KIF26B: variants seen among roughly 807,000 people sequenced by gnomAD.
KIF26B encodes the protein kinesin-like protein KIF26B.
KIF26B carries 63 observed loss-of-function variants against 151.2 expected under a neutral mutation model. The observed-to-expected ratio is 0.42, with a 90% CI of 0.34 to 0.51. KIF26B has a LOEUF of 0.51. Among genes scored for constraint, KIF26B ranks in the 20% least tolerant of loss-of-function variants. KIF26B has a pLI of 0.07. For missense variants in KIF26B, 2,813 were observed against 2,913.6 expected, an observed-to-expected ratio of 0.97 and a Z score of 0.79; for synonymous variants, 1,357 against 1,262.1, an observed-to-expected ratio of 1.08 and a Z score of -1.59.
intron 10 of KIF26B, among the ~76,000 whole-genome samples, chr1:245,680,865 G>A (rs1199039203): frequency 1.3e-5 from 2 of 152,192 alleles, no homozygotes; most frequent in Non-Finnish European, 2.9e-5. Context: ...CTGCCTTCAC[G>A]TTTGGCTCTC....
chr1:245,634,926 G>A (rs987512939), intron 9 of KIF26B, among the ~76,000 whole-genome samples: 1 of 151,828 alleles, frequency 6.6e-6, no homozygotes, highest in Non-Finnish European at 1.5e-5. Flanking sequence ...ATGTTGCCCT[G>A]GCTGGTCTTG....
intron 3 of KIF26B, among the ~76,000 whole-genome samples, chr1:245,376,306 T>G (rs1157690642): frequency 6.6e-6 from 1 of 152,198 alleles, no homozygotes; most frequent in Non-Finnish European, 1.5e-5. Context: ...TATCACGTTT[T>G]ATCTGGTAGG....
In KIF26B at chr1:245,684,310, C is replaced by T. The variant is rs1214320011; in HGVS notation, c.2336C>T (p.Ser779Leu). The T allele has an allele frequency of 7.4e-6, 12 of 1,613,830 alleles. No homozygotes were observed. Among genetic ancestry groups the T allele is most frequent in the African/African-American group, 1.3e-5 (1 of 74,934 alleles). ...NCRTTMIAHI[S>L]AAVGSYAETL... is the part of the protein sequence containing the mutation. ...CGTACCACCATGATCGCGCACATCTCGGCCGCGGTCGGGAGCTACGCGGAG... is the reference window on the plus strand; with the variant it reads ...CGTACCACCATGATCGCGCACATCTTGGCCGCGGTCGGGAGCTACGCGGAG... Residue 779 changes from serine (S) to leucine (L), a missense_variant, in exon 11 of 15, where the codon TCG becomes TTG. Coordinates refer to ENST00000407071, the MANE Select transcript of KIF26B (RefSeq NM_018012.4).
intron 2 of KIF26B, among the ~76,000 whole-genome samples, chr1:245,302,023 G>A (rs1194163039): frequency 6.6e-6 from 1 of 152,116 alleles, no homozygotes; most frequent in Non-Finnish European, 1.5e-5. Context: ...TGTCAGTGTT[G>A]GAATAAGTGG....
chr1:245,477,611 G>A (rs1039890593), intron 4 of KIF26B, among the ~76,000 whole-genome samples: 2 of 151,862 alleles, frequency 1.3e-5, no homozygotes, highest in African/African-American at 4.8e-5. Context: ...TAGAGGAAGT[G>A]GGGGAGCTGA....
At position 245,652,102 on chromosome 1, in the gene KIF26B, C is replaced by CTGTGTGTGTG. The variant is rs56893913; in HGVS notation, c.2258+5857_2258+5866dup. Among the ~76,000 whole-genome samples, 178 of 136,438 alleles carry CTGTGTGTGTG rather than the reference C, an allele frequency of 1.3e-3. 1 individual carries two copies. Among genetic ancestry groups the CTGTGTGTGTG allele is most frequent in the Middle Eastern group, 3.6e-3 (1 of 276 alleles). 89.5% of individuals were successfully genotyped at this position (136,438 alleles called of 152,430 possible). On this transcript the variant is annotated intron_variant, in intron 10 of 14. Transcript: ENST00000407071. ...GAAACGGAGAGGTTCATGTAAGAATCTGTGTGTGTGTGTGTGTGTGTGTGT... is the reference window on the plus strand; with the variant it reads ...GAAACGGAGAGGTTCATGTAAGAATCTGTGTGTGTGTGTGTGTGTGTGTGTGTGTGTGTGT...
chr1:245,291,992 C>G (rs1671260456), intron 2 of KIF26B, among the ~76,000 whole-genome samples: 1 of 152,164 alleles, frequency 6.6e-6, no homozygotes, highest in Non-Finnish European at 1.5e-5. Context: ...CAAGAGATGA[C>G]TGGAAAGCTG....
chr1:245,675,879 A>G (rs1366644588), intron 10 of KIF26B, among the ~76,000 whole-genome samples: 2 of 152,176 alleles, frequency 1.3e-5, no homozygotes, highest in African/African-American at 2.4e-5. Flanking sequence ...GCCAGTGGCC[A>G]TGGGTTAGAA....
chr1:245,272,535 T>C lies in KIF26B; in HGVS notation c.466-94299T>C, dbSNP rs971308090. Among the ~76,000 whole-genome samples the C allele has an allele frequency of 2.6e-5, 4 of 152,238 alleles. No homozygotes were observed. In the East Asian group the frequency reaches 5.8e-4, roughly 22 times the overall value. On this transcript the variant is annotated intron_variant, in intron 2 of 14. Coordinates refer to ENST00000407071, the MANE Select transcript of KIF26B (RefSeq NM_018012.4). ...TTTCATTTCTTTCAATTATAATCTT[T>C]ATTATAATTTCCTTCCATCTGCTAA... is the stretch of plus-strand genomic sequence containing the variant.
chr1:245,422,848 C>T (rs1409998708), intron 4 of KIF26B, among the ~76,000 whole-genome samples: 1 of 152,132 alleles, frequency 6.6e-6, no homozygotes, highest in Non-Finnish European at 1.5e-5. Flanking sequence ...CCTGTAATCC[C>T]AGTACTTTGG....
intron 3 of KIF26B, among the ~76,000 whole-genome samples, chr1:245,394,684 C>CTTTTTTTTTTTTTTTTTT (rs1444711983): frequency 1.6e-5 from 2 of 124,398 alleles, no homozygotes; most frequent in African/African-American, 4.0e-5. Context: ...AAGTTTTTTT[C>CTTTTTTTTTTTTTTTTTT]TTTCTTTTTT....
chr1:245,309,436 C>T (rs942977993), intron 2 of KIF26B, among the ~76,000 whole-genome samples: 11 of 151,960 alleles, frequency 7.2e-5, no homozygotes, highest in African/African-American at 2.2e-4. Flanking sequence ...CTTTGGGACT[C>T]CAGCTGAAAC....
intron 5 of KIF26B, among the ~76,000 whole-genome samples, chr1:245,544,015 T>C (rs1661683422): frequency 6.6e-6 from 1 of 152,096 alleles, no homozygotes; most frequent in Non-Finnish European, 1.5e-5. Flanking sequence ...GCACAGAGCA[T>C]CTGGTTCTTC....
At position 245,554,686 on chromosome 1, in the gene KIF26B, A is replaced by G. The variant is rs998277839; in HGVS notation, c.1350+13736A>G. Reference sequence around the variant, plus strand: ...TGAGCTTTCTCCCTCCTTCTTTTTCACTGAGTATACGCTAATATTCCTCCA... The same window carrying G: ...TGAGCTTTCTCCCTCCTTCTTTTTCGCTGAGTATACGCTAATATTCCTCCA... On this transcript the variant is annotated intron_variant, in intron 5 of 14. Coordinates refer to ENST00000407071, the MANE Select transcript of KIF26B (RefSeq NM_018012.4). Among the ~76,000 whole-genome samples the G allele has an allele frequency of 1.8e-4, 27 of 152,126 alleles. 1 individual carries two copies. Among genetic ancestry groups the G allele is most frequent in the African/African-American group, 6.0e-4 (25 of 41,510 alleles).
chr1:245,485,663 C>T (rs529721640), intron 4 of KIF26B, among the ~76,000 whole-genome samples: 5 of 152,062 alleles, frequency 3.3e-5, no homozygotes, highest in Admixed American at 2.0e-4. Flanking sequence ...GGATTACAGG[C>T]GTGAGCCACC....
At chr1:245,400,446 G>A (rs1395157949) in intron 3 of KIF26B, among the ~76,000 whole-genome samples, 2 of 150,330 alleles carry the variant, frequency 1.3e-5, no homozygotes, top group East Asian at 3.9e-4. Context: ...TAACCTGAGG[G>A]ATGTATGCCC....
intron 2 of KIF26B, among the ~76,000 whole-genome samples, chr1:245,172,368 G>A (rs1453421990): frequency 6.6e-6 from 1 of 152,196 alleles, no homozygotes; most frequent in Non-Finnish European, 1.5e-5. Flanking sequence ...GTCGGAAGGG[G>A]TAGCTTCCTA....
chr1:245,362,063 C>T (rs1282567418), intron 2 of KIF26B, among the ~76,000 whole-genome samples: 1 of 151,656 alleles, frequency 6.6e-6, no homozygotes, highest in East Asian at 1.9e-4. Flanking sequence ...TGACCTTTCG[C>T]CATCAGCAAA....
chr1:245,611,101 T>G (rs531507873), intron 8 of KIF26B, among the ~76,000 whole-genome samples: 1 of 152,342 alleles, frequency 6.6e-6, no homozygotes, highest in African/African-American at 2.4e-5. Flanking sequence ...CTGTGTGCTT[T>G]CTTTAATCAA....
Sources: gnomAD v4.1 joint callset for allele counts (sites outside exome capture counted in the v4.1 genomes callset) on GRCh38, gnomAD v4.1.1 for gene constraint, MANE v1.5 for transcripts, NCBI Gene and HGNC (gene_info 2026-07-23, HGNC 2026-07-21) for gene names.